Variants in RHOQ observed in about 807,000 individuals in gnomAD.
RHOQ encodes rho-related GTP-binding protein RhoQ.
Under a neutral mutation model 25.8 loss-of-function variants are expected in RHOQ, and 7 were observed. The ratio of observed to expected loss-of-function variants is 0.27; its 90% CI spans 0.15 to 0.51. RHOQ has a LOEUF of 0.51. RHOQ is among the 20% of genes least tolerant of loss of function. The pLI, the probability that RHOQ is intolerant of heterozygous loss-of-function variation, is 0.97. For synonymous variants in RHOQ, 97 were observed against 98.6 expected (o/e 0.98, Z 0.10); for missense variants, 165 against 260.6 (o/e 0.63, Z 2.53).
At chr2:46,560,377 C>G in intron 2 of RHOQ, 1 of 308,796 alleles carries the variant, frequency 3.2e-6, no homozygotes, top group Non-Finnish European at 6.6e-6. Context: ...AAGATAAATG[C>G]ATACGTTCAG....
intron 4 of RHOQ, chr2:46,579,940 A>C (rs1669288570): frequency 6.6e-6 from 1 of 152,044 alleles, no homozygotes; most frequent in African/African-American, 2.4e-5. Context: ...GAACATATCC[A>C]GAATCCAGAC....
intron 2 of RHOQ, chr2:46,568,277 A>G (rs1316193434): frequency 6.6e-6 from 1 of 152,194 alleles, no homozygotes; most frequent in Non-Finnish European, 1.5e-5. Flanking sequence ...GAAATATTTA[A>G]TAGAGACTTA....
intron 1 of RHOQ, chr2:46,543,517 G>A: frequency 3.3e-6 from 2 of 603,402 alleles, no homozygotes; most frequent in East Asian, 2.8e-5. Context: ...GGGACCGAGC[G>A]AGACGTGGCT....
intron 2 of RHOQ, among the ~76,000 whole-genome samples, chr2:46,559,915 T>A (rs1013961542): frequency 6.6e-6 from 1 of 152,236 alleles, no homozygotes; most frequent in Middle Eastern, 3.2e-3. Flanking sequence ...ATTTTCTTTG[T>A]ACCGTGGCCT....
At chr2:46,559,645 G>C (rs896420962) in intron 2 of RHOQ, among the ~76,000 whole-genome samples, 4 of 151,988 alleles carry the variant, frequency 2.6e-5, no homozygotes, top group African/African-American at 9.7e-5. Context: ...TCCATTGATG[G>C]CAAACAGAAA....
rs1433385218 is a variant in RHOQ at position 46,583,391 on chromosome 2, CATT to C, written c.*2309_*2311del. 2.6e-5 allele frequency among the ~76,000 whole-genome samples: 4 copies of C among 152,076 alleles called. No homozygotes were observed. Among genetic ancestry groups the C allele is most frequent in the Admixed American group, 6.5e-5 (1 of 15,272 alleles). On this transcript the variant is annotated 3_prime_UTR_variant, in exon 5 of 5. Coordinates refer to ENST00000238738, the MANE Select transcript of RHOQ (RefSeq NM_012249.4). ...CAGTAATTTTCTTATTCACAGTAAT[CATT>C]GTTGGATGTTACCTTTTCAGCTTCA...
chr2:46,560,486 C>A (rs1369992078), intron 2 of RHOQ: 2 of 444,732 alleles, frequency 4.5e-6, no homozygotes, highest in Admixed American at 4.7e-5. Context: ...CAGGGCCAGG[C>A]TCCTGATGAA....
At chr2:46,551,232 C>T (rs1668232727) in intron 2 of RHOQ, among the ~76,000 whole-genome samples, 1 of 152,222 alleles carries the variant, frequency 6.6e-6, no homozygotes, top group Non-Finnish European at 1.5e-5. Context: ...GCCCTCAGGG[C>T]AGCTGGGTAG....
Position 46,552,433 on chromosome 2 carries a change from G to A in RHOQ, c.201+8621G>A, listed in dbSNP as rs993185895. The stretch of plus-strand genomic sequence containing the variant: ...CTTTAGCCTGCAAATGACGGGTGTC[G>A]TTTGTGTCCCATGGGGGCTACCTCA... On this transcript the variant is annotated intron_variant, in intron 2 of 4. Transcript: ENST00000238738. This position sits in a 1 kb window ranked among gnomAD's most constrained non-coding sequence, Gnocchi z 5.0. Among the ~76,000 whole-genome samples, 3 of 152,212 alleles carry A rather than the reference G, an allele frequency of 2.0e-5. No individual in the cohort carries two copies. The highest frequency in any genetic ancestry group is 4.8e-5 in the African/African-American group (2 of 41,450).
At chr2:46,551,664 G>T (rs150869623) in intron 2 of RHOQ, among the ~76,000 whole-genome samples, 30 of 152,272 alleles carry the variant, frequency 2.0e-4, no homozygotes, top group South Asian at 1.0e-3. Context: ...GTGGGGAAAG[G>T]GGTCTTTATT....
intron 4 of RHOQ, chr2:46,580,252 G>C (rs542679523): frequency 6.6e-6 from 1 of 152,470 alleles, no homozygotes; most frequent in African/African-American, 2.4e-5. Flanking sequence ...CTCCTTTGTT[G>C]TTCCCTCAAA....
intron 2 of RHOQ, among the ~76,000 whole-genome samples, chr2:46,544,589 G>A (rs182858345): frequency 5.9e-5 from 9 of 152,282 alleles, no homozygotes; most frequent in African/African-American, 2.2e-4. Context: ...GCTTCTAAAG[G>A]GCCAAGGTCT....
At chr2:46,560,426 G>A (rs990663944) in intron 2 of RHOQ, 1 of 344,732 alleles carries the variant, frequency 2.9e-6, no homozygotes, top group Non-Finnish European at 5.9e-6. Flanking sequence ...TTTTTTTATA[G>A]TTAGAAACAT....
At chr2:46,567,419 G>C (rs555718106) in intron 2 of RHOQ, among the ~76,000 whole-genome samples, 3 of 151,092 alleles carry the variant, frequency 2.0e-5, no homozygotes, top group Non-Finnish European at 4.4e-5. Context: ...TTTGAGACAG[G>C]GTGTCGTTCT....
At chr2:46,544,865 G>A (rs1213957346) in intron 2 of RHOQ, among the ~76,000 whole-genome samples, 1 of 152,236 alleles carries the variant, frequency 6.6e-6, no homozygotes, top group Non-Finnish European at 1.5e-5. Context: ...ATCCCCTGGT[G>A]CAGATATTGT....
intron 1 of RHOQ, 123 bp downstream of exon 1, chr2:46,543,311 C>T: frequency 8.7e-7 from 1 of 1,145,874 alleles, no homozygotes; most frequent in Non-Finnish European, 1.3e-6. Context: ...GCCGCGCCCT[C>T]TGCCAGGCGG....
intron 2 of RHOQ, among the ~76,000 whole-genome samples, chr2:46,546,491 TATATATATATATATATATATGTATATAC>T (rs1558680510): frequency 0.11 from 2,561 of 24,102 alleles, 297 homozygotes; most frequent in South Asian, 0.13. Context: ...TATATATATA[TATATATATATATATATATATGTATATAC>T]ATATATATAT....
At chr2:46,545,462 G>A (rs1015172356) in intron 2 of RHOQ, among the ~76,000 whole-genome samples, 1 of 152,170 alleles carries the variant, frequency 6.6e-6, no homozygotes, top group Non-Finnish European at 1.5e-5. Context: ...TTTAAACCCT[G>A]CTAGTATTTA....
At position 46,546,487 on chromosome 2, in the gene RHOQ, T is replaced by C. The variant is rs1164389986; in HGVS notation, c.201+2675T>C. Among the ~76,000 whole-genome samples the C allele has an allele frequency of 6.1e-3, 157 of 25,780 alleles. 13 individuals are homozygous for C. The highest frequency in any genetic ancestry group is 0.031 in the African/African-American group (152 of 4,910). The allele number at this position is 25,780 out of a possible 152,430, so 16.9% of individuals were successfully genotyped here. ...ATATATATATATGTGTATATATATA[T>C]ATATATATATATATATATATATATG... On this transcript the variant is annotated intron_variant, in intron 2 of 4. Coordinates refer to ENST00000238738, the MANE Select transcript of RHOQ (RefSeq NM_012249.4).
Sources: gnomAD v4.1 joint callset for allele counts (sites outside exome capture counted in the v4.1 genomes callset) on GRCh38, gnomAD v4.1.1 for gene constraint, Gnocchi (gnomAD v3.1) non-coding constraint, MANE v1.5 for transcripts, NCBI Gene and HGNC (gene_info 2026-07-23, HGNC 2026-07-21) for gene names.